Variants in FHIP1A observed in about 807,000 individuals in gnomAD.
FHIP1A encodes the protein FHF complex subunit HOOK interacting protein 1A, also known as FHF complex subunit HOOK-interacting protein 1A.
In FHIP1A, 61 loss-of-function variants were observed where a neutral mutation model predicts 88.6. The ratio of observed to expected loss-of-function variants is 0.69; its 90% CI spans 0.56 to 0.85. The LOEUF is 0.85. Among genes scored for constraint, FHIP1A ranks in the 40% least tolerant of loss-of-function variants. The pLI, the probability that FHIP1A is intolerant of heterozygous loss-of-function variation, is 0.00. For missense variants in FHIP1A, 1,154 were observed against 1,273.5 expected (o/e 0.91, Z 1.43); for synonymous variants, 478 against 496.0 (o/e 0.96, Z 0.48).
At chr4:151,445,872 A>ATATATATATATATATATATATATATT (rs1302392617) in intron 1 of FHIP1A, among the ~76,000 whole-genome samples, 1 of 143,574 alleles carries the variant, frequency 7.0e-6, no homozygotes, top group Non-Finnish European at 1.5e-5. Context: ...ATATATATAT[A>ATATATATATATATATATATATATATT]TTTCATATGA....
chr4:151,456,102 C>A (rs1312948866), intron 2 of FHIP1A, among the ~76,000 whole-genome samples: 2 of 152,074 alleles, frequency 1.3e-5, no homozygotes, highest in South Asian at 2.1e-4. Context: ...CCAAAAAAAA[C>A]CCACTGTAGG....
At chr4:151,612,671 C>T (rs114542552) in intron 7 of FHIP1A, among the ~76,000 whole-genome samples, 25 of 152,306 alleles carry the variant, frequency 1.6e-4, no homozygotes, top group African/African-American at 5.1e-4. Context: ...CGTGAGCCAC[C>T]GCACTCAGTC....
chr4:151,473,018 G>A (rs1187987261), intron 2 of FHIP1A, among the ~76,000 whole-genome samples: 2 of 152,040 alleles, frequency 1.3e-5, no homozygotes, highest in East Asian at 1.9e-4. Flanking sequence ...AAAAACCCAA[G>A]CCAGGAAAGG....
intron 3 of FHIP1A, among the ~76,000 whole-genome samples, chr4:151,500,438 CA>C (rs34481805): frequency 0.4 from 42,354 of 106,628 alleles, 6,385 homozygotes; most frequent in Non-Finnish European, 0.45. Context: ...CAGCCATTCT[CA>C]AAAAAAAAAA....
intron 2 of FHIP1A, among the ~76,000 whole-genome samples, chr4:151,471,776 A>G (rs1729521101): frequency 6.6e-6 from 1 of 151,926 alleles, no homozygotes; most frequent in Admixed American, 6.6e-5. Flanking sequence ...CTTCCCACCC[A>G]TTCCCCCTGA....
At position 151,578,004 on chromosome 4, in the gene FHIP1A, C is replaced by T; in HGVS notation, c.660C>T (p.Leu220=). The T allele has an allele frequency of 6.4e-7, 1 of 1,551,238 alleles. No individual in the cohort carries two copies. Among genetic ancestry groups the T allele is most frequent in the Non-Finnish European group, 8.7e-7 (1 of 1,146,884 alleles). ...SVGQQARDAL[L]FIMSLSAENT... is the part of the protein sequence containing the mutation. ...GCCAGCAAGCTCGGGATGCATTGCT[C>T]TTCATCATGTCTCTTTCTGCTGAGA... The change falls in exon 5 of 14, where the codon CTC becomes CTT. Residue 220 remains leucine, a synonymous_variant. Coordinates refer to ENST00000435205, the MANE Select transcript of FHIP1A (RefSeq NM_001109977.3).
chr4:151,562,210 A>G (rs751218319), intron 3 of FHIP1A, among the ~76,000 whole-genome samples: 1 of 152,104 alleles, frequency 6.6e-6, no homozygotes, highest in Middle Eastern at 3.2e-3. Context: ...TTTGTTCCCT[A>G]CTTTAAATCT....
intron 3 of FHIP1A, among the ~76,000 whole-genome samples, chr4:151,548,875 A>C (rs1732611473): frequency 6.6e-6 from 1 of 152,208 alleles, no homozygotes. Flanking sequence ...CTCGAACATA[A>C]ATTTAATTTT....
At chr4:151,436,551 G>A (rs1259905438) in intron 1 of FHIP1A, 1 of 152,096 alleles carries the variant, frequency 6.6e-6, no homozygotes, top group African/African-American at 2.4e-5. Context: ...TTTAAAAGTT[G>A]CTTGAAGACC....
chr4:151,478,918 T>C (rs186278599), intron 2 of FHIP1A, among the ~76,000 whole-genome samples: 1 of 152,264 alleles, frequency 6.6e-6, no homozygotes, highest in Non-Finnish European at 1.5e-5. Context: ...GGTCTCTGCC[T>C]GCTTTCTTTT....
At chr4:151,475,005 A>AAGTC (rs1415190672) in intron 2 of FHIP1A, among the ~76,000 whole-genome samples, 1 of 152,192 alleles carries the variant, frequency 6.6e-6, no homozygotes, top group African/African-American at 2.4e-5. Flanking sequence ...CAGTGGCCTA[A>AAGTC]AGTCACCTGT....
intron 7 of FHIP1A, among the ~76,000 whole-genome samples, chr4:151,600,871 A>G (rs1734843384): frequency 6.6e-6 from 1 of 152,166 alleles, no homozygotes; most frequent in South Asian, 2.1e-4. Context: ...AGAAGCTGCT[A>G]GTCTCCTAAG....
chr4:151,587,394 T>G (rs1327752451), intron 6 of FHIP1A, among the ~76,000 whole-genome samples: 1 of 152,168 alleles, frequency 6.6e-6, no homozygotes, highest in Non-Finnish European at 1.5e-5. Context: ...AAAATCAGAT[T>G]TTAAGTATAT....
chr4:151,438,903 G>A (rs565268756), intron 1 of FHIP1A, among the ~76,000 whole-genome samples: 1 of 151,956 alleles, frequency 6.6e-6, no homozygotes, highest in Non-Finnish European at 1.5e-5. Flanking sequence ...CTCAGCCTCC[G>A]GAATTTTGTT....
chr4:151,509,142 A>C (rs1281955184), intron 3 of FHIP1A, among the ~76,000 whole-genome samples: 3 of 152,010 alleles, frequency 2.0e-5, no homozygotes, highest in Non-Finnish European at 4.4e-5. Context: ...GCATGACTGG[A>C]AGCATTTATT....
rs575971961 is a variant in FHIP1A, at chr4:151,473,972, A to G, written c.-247-8552A>G. ...TGAAACTGAAAGGTAAGTGAAGGCA[A>G]TGCAATTTCACAACTCATAATACAG... On this transcript the variant is annotated intron_variant, in intron 2 of 13. Coordinates refer to ENST00000435205, the MANE Select transcript of FHIP1A (RefSeq NM_001109977.3). 2.6e-5 allele frequency among the ~76,000 whole-genome samples: 4 copies of G among 152,362 alleles called. No individual in the cohort carries two copies. The South Asian group carries it at 8.3e-4, about 32-fold the overall frequency.
chr4:151,514,736 C>T (rs1228689224), intron 3 of FHIP1A, among the ~76,000 whole-genome samples: 2 of 151,788 alleles, frequency 1.3e-5, no homozygotes, highest in African/African-American at 4.8e-5. Context: ...CACATACATC[C>T]TCCGAAGACT....
At chr4:151,549,358 A>G (rs1055566419) in intron 3 of FHIP1A, among the ~76,000 whole-genome samples, 1 of 152,008 alleles carries the variant, frequency 6.6e-6, no homozygotes, top group Middle Eastern at 3.2e-3. Flanking sequence ...TTGAAGAGAA[A>G]CTTGGGGTTC....
intron 13 of FHIP1A, among the ~76,000 whole-genome samples, chr4:151,658,772 C>T (rs1560827189): frequency 6.6e-6 from 1 of 152,128 alleles, no homozygotes; most frequent in African/African-American, 2.4e-5. Context: ...CTTTCTCAAG[C>T]GGTCAATTTT....
Sources: allele counts gnomAD v4.1 joint callset (sites outside exome capture counted in the v4.1 genomes callset), GRCh38; gene constraint gnomAD v4.1.1; transcripts MANE v1.5; gene names NCBI Gene and HGNC (gene_info 2026-07-23, HGNC 2026-07-21).